RUNDC3B: variants seen among roughly 807,000 people sequenced by gnomAD.
The protein encoded by RUNDC3B is RUN domain-containing protein 3B.
In RUNDC3B, 33 loss-of-function variants were observed where a neutral mutation model predicts 58.4. The ratio of observed to expected loss-of-function variants is 0.56; its 90% CI spans 0.43 to 0.75. The LOEUF (loss-of-function observed/expected upper bound fraction) is 0.75. RUNDC3B is among the 30% of genes least tolerant of loss of function. The pLI is 0.00. For missense variants in RUNDC3B, 501 were observed against 535.7 expected, an observed-to-expected ratio of 0.94 and a Z score of 0.64; for synonymous variants, 193 against 195.2, an observed-to-expected ratio of 0.99 and a Z score of 0.10.
chr7:87,661,761 T>C (rs1430164164), intron 2 of RUNDC3B, among the ~76,000 whole-genome samples: 1 of 152,078 alleles, frequency 6.6e-6, no homozygotes, highest in Non-Finnish European at 1.5e-5. Context: ...CTTTTAGGTA[T>C]ATATCTAGCA....
intron 10 of RUNDC3B, among the ~76,000 whole-genome samples, chr7:87,822,153 A>G (rs1035665197): frequency 1.9e-4 from 29 of 152,186 alleles, no homozygotes; most frequent in Admixed American, 2.6e-4. Flanking sequence ...CTGACAAAGG[A>G]CTAATATCCA....
At chr7:87,732,886 A>C (rs370021873) in intron 4 of RUNDC3B, among the ~76,000 whole-genome samples, 2 of 152,146 alleles carry the variant, frequency 1.3e-5, no homozygotes, top group African/African-American at 4.8e-5. Flanking sequence ...TGTGTGTGTA[A>C]TTTCTAACAG....
intron 1 of RUNDC3B, among the ~76,000 whole-genome samples, chr7:87,635,137 A>G (rs946612577): frequency 1.3e-5 from 2 of 152,178 alleles, no homozygotes; most frequent in African/African-American, 4.8e-5. Context: ...TTTGAAGCTT[A>G]CCCACTCTTC....
At chr7:87,773,802 C>T (rs753686234) in intron 7 of RUNDC3B, among the ~76,000 whole-genome samples, 2 of 151,978 alleles carry the variant, frequency 1.3e-5, no homozygotes, top group Non-Finnish European at 2.9e-5. Context: ...CTCAGCCTTC[C>T]GAGTACCTAG....
At chr7:87,679,383 G>A (rs1397247064) in intron 2 of RUNDC3B, among the ~76,000 whole-genome samples, 2 of 149,506 alleles carry the variant, frequency 1.3e-5, no homozygotes, top group Non-Finnish European at 3.0e-5. Flanking sequence ...GTGAGCCACC[G>A]TGCCCGGCCC....
intron 1 of RUNDC3B, among the ~76,000 whole-genome samples, chr7:87,635,498 T>C (rs1046368402): frequency 6.6e-6 from 1 of 152,240 alleles, no homozygotes; most frequent in African/African-American, 2.4e-5. Flanking sequence ...CTTTTTCTCA[T>C]GCAGCTGTTA....
Position 87,709,209 on chromosome 7 carries a change from A to G in RUNDC3B, c.373-1361A>G, listed in dbSNP as rs113094805. The G allele has an allele frequency of 2.2e-5, 22 of 982,590 alleles. No homozygotes were observed. The African/African-American group carries it at 3.3e-4, about 15-fold the overall frequency. 60.9% of individuals were successfully genotyped at this position (982,590 alleles called of 1,614,324 possible). On this transcript the variant is annotated intron_variant, in intron 3 of 10. Transcript: ENST00000394654. The stretch of plus-strand genomic sequence containing the variant: ...TGAAATTAATAAATCAGGAAGCAAG[A>G]TTTTCCCTACATTTCTTATCTAGTA...
chr7:87,739,104 A>G (rs1832164399), intron 4 of RUNDC3B, among the ~76,000 whole-genome samples: 1 of 152,124 alleles, frequency 6.6e-6, no homozygotes, highest in Non-Finnish European at 1.5e-5. Flanking sequence ...TTAGGGCCAC[A>G]TAATGATTTT....
At chr7:87,640,636 C>T (rs762576024) in intron 1 of RUNDC3B, among the ~76,000 whole-genome samples, 1 of 152,168 alleles carries the variant, frequency 6.6e-6, no homozygotes, top group Non-Finnish European at 1.5e-5. Context: ...TGAGCCACCA[C>T]GTGTGTCTCC....
At chr7:87,813,701 C>G (rs972358290) in intron 9 of RUNDC3B, among the ~76,000 whole-genome samples, 1 of 152,028 alleles carries the variant, frequency 6.6e-6, no homozygotes, top group African/African-American at 2.4e-5. Flanking sequence ...AGATTTTGGC[C>G]GGGCGCAGTG....
At chr7:87,664,370 C>A (rs1348946525) in intron 2 of RUNDC3B, among the ~76,000 whole-genome samples, 1 of 151,890 alleles carries the variant, frequency 6.6e-6, no homozygotes, top group East Asian at 1.9e-4. Context: ...AGGGTAAAAC[C>A]AAAATTACTT....
intron 3 of RUNDC3B, among the ~76,000 whole-genome samples, chr7:87,706,810 G>T (rs1272871316): frequency 6.6e-6 from 1 of 152,124 alleles, no homozygotes; most frequent in Non-Finnish European, 1.5e-5. Flanking sequence ...TTTTCCTATG[G>T]GGTTGTTGCC....
chr7:87,669,592 T>G (rs1825626988), intron 2 of RUNDC3B, among the ~76,000 whole-genome samples: 1 of 152,226 alleles, frequency 6.6e-6, no homozygotes, highest in African/African-American at 2.4e-5. Context: ...TTAAGCATGT[T>G]TTTGTATTAG....
chr7:87,815,000 CTTGTT>C (rs1407057059), intron 9 of RUNDC3B, among the ~76,000 whole-genome samples: 2 of 152,062 alleles, frequency 1.3e-5, no homozygotes, highest in Non-Finnish European at 2.9e-5. Context: ...TTAAAAATAA[CTTGTT>C]TTGGTAAAAC....
intron 6 of RUNDC3B, among the ~76,000 whole-genome samples, chr7:87,768,736 C>T (rs1456105229): frequency 6.6e-6 from 1 of 152,170 alleles, no homozygotes; most frequent in Non-Finnish European, 1.5e-5. Flanking sequence ...GCTCTTGCTG[C>T]CTTCCTTTTC....
At chr7:87,771,054 T>C (rs142735184) in intron 7 of RUNDC3B, among the ~76,000 whole-genome samples, 15 of 152,338 alleles carry the variant, frequency 9.8e-5, no homozygotes, top group Non-Finnish European at 2.9e-5. Flanking sequence ...TTTGTGAAAA[T>C]GCAGTGATTG....
intron 8 of RUNDC3B, among the ~76,000 whole-genome samples, chr7:87,783,203 C>T (rs1584196531): frequency 2.0e-5 from 3 of 151,292 alleles, no homozygotes; most frequent in Middle Eastern, 3.4e-3. Context: ...GTGTATATGA[C>T]AGTTAAGTCT....
At chr7:87,827,615 G>T (rs567362043) in intron 10 of RUNDC3B, among the ~76,000 whole-genome samples, 1 of 152,034 alleles carries the variant, frequency 6.6e-6, no homozygotes, top group Non-Finnish European at 1.5e-5. Context: ...AAAAAATTAA[G>T]ATATAACAGG....
chr7:87,673,909 G>A (rs1207947407), intron 2 of RUNDC3B, among the ~76,000 whole-genome samples: 1 of 152,092 alleles, frequency 6.6e-6, no homozygotes, highest in Non-Finnish European at 1.5e-5. Context: ...TGATGCCCTT[G>A]GGTGTTTGAT....
Sources: gnomAD v4.1 joint callset for allele counts (sites outside exome capture counted in the v4.1 genomes callset) on GRCh38, gnomAD v4.1.1 for gene constraint, MANE v1.5 for transcripts, NCBI Gene and HGNC (gene_info 2026-07-23, HGNC 2026-07-21) for gene names.